Variants in RANBP17 observed in about 807,000 individuals in gnomAD.
The protein encoded by RANBP17 is ran-binding protein 17.
RANBP17 carries 158 observed loss-of-function variants against 141.2 expected under a neutral mutation model. The ratio of observed to expected loss-of-function variants is 1.12; its 90% CI spans 0.98 to 1.28. The LOEUF is 1.28. Among genes scored for constraint, RANBP17 ranks in the 50% most tolerant of loss-of-function variants. RANBP17 has a pLI of 0.00. For synonymous variants in RANBP17, 430 were observed against 450.0 expected (o/e 0.96, Z 0.56); for missense variants, 1,438 against 1,290.7 (o/e 1.11, Z -1.75).
intron 14 of RANBP17, among the ~76,000 whole-genome samples, chr5:171,137,952 T>TAC (rs757199267): frequency 7.8e-6 from 1 of 127,734 alleles, no homozygotes; most frequent in Admixed American, 7.6e-5. Context: ...ATATATGAGA[T>TAC]ATATATATAT....
rs576933501 is a variant in RANBP17, at chr5:170,897,234, A to T, written c.489+1119A>T. ...AAAGTTTTTGGCAGTCTGTATCAAGACCAGGTTTTAGAGAAACTCAGAAAG... is the reference window on the plus strand; with the variant it reads ...AAAGTTTTTGGCAGTCTGTATCAAGTCCAGGTTTTAGAGAAACTCAGAAAG... On this transcript the variant is annotated intron_variant, in intron 5 of 27. Transcript: ENST00000523189. 1.1e-5 allele frequency: 7 copies of T among 655,850 alleles called. No individual in the cohort carries two copies. In the Admixed American group the frequency reaches 1.1e-4, roughly 10 times the overall value. 40.6% of individuals were successfully genotyped at this position (655,850 alleles called of 1,614,324 possible).
chr5:170,975,167 T>A (rs1195214804), intron 14 of RANBP17, among the ~76,000 whole-genome samples: 5 of 152,234 alleles, frequency 3.3e-5, no homozygotes, highest in African/African-American at 1.2e-4. Flanking sequence ...TGTCTTTAAA[T>A]CATTTTTCTT....
chr5:171,209,500 A>T (rs1358348875), intron 20 of RANBP17, among the ~76,000 whole-genome samples: 2 of 151,946 alleles, frequency 1.3e-5, no homozygotes, highest in Admixed American at 6.6e-5. Flanking sequence ...ATTTTTTTTT[A>T]GTTTTATTTC....
rs1769017215 is a variant in RANBP17 at position 171,299,593 on chromosome 5, AC to A, written c.*738del. The stretch of plus-strand genomic sequence containing the variant: ...GTCAGAAGTTCTGGGTGGTGCCAGC[AC>A]CCAGTCCTCTGCCTCCATTTAATTT... On this transcript the variant is annotated 3_prime_UTR_variant, in exon 28 of 28. Transcript: ENST00000523189. 4.3e-6 allele frequency: 1 copy of A among 232,086 alleles called. No individual in the cohort carries two copies. Among genetic ancestry groups the A allele is most frequent in the Admixed American group, 5.6e-5 (1 of 17,750 alleles). 14.4% of individuals were successfully genotyped at this position (232,086 alleles called of 1,614,324 possible). A position where few individuals can be genotyped will look rare whatever the true frequency, so the allele number is the denominator to read the frequency against.
chr5:171,164,868 A>T (rs556370469), intron 14 of RANBP17, among the ~76,000 whole-genome samples: 7 of 152,364 alleles, frequency 4.6e-5, no homozygotes, highest in Admixed American at 4.6e-4. Flanking sequence ...GAGTGTTACT[A>T]GAAGGTGTTA....
At chr5:170,930,126 T>C (rs1773231873) in intron 12 of RANBP17, among the ~76,000 whole-genome samples, 1 of 152,044 alleles carries the variant, frequency 6.6e-6, no homozygotes, top group Admixed American at 6.6e-5. Flanking sequence ...TTCATTGATC[T>C]TTATTCTTTC....
chr5:171,035,946 T>G lies in RANBP17; in HGVS notation c.1710+67569T>G, dbSNP rs558121756. On this transcript the variant is annotated intron_variant, in intron 14 of 27. Coordinates refer to ENST00000523189, the MANE Select transcript of RANBP17 (RefSeq NM_022897.5). ...TCTTGCCCTCTTGCCAAGGCTGAAGTGCAGTGTTGTGATCTCAGCTTACTA... is the reference window on the plus strand; with the variant it reads ...TCTTGCCCTCTTGCCAAGGCTGAAGGGCAGTGTTGTGATCTCAGCTTACTA... 9.9e-5 allele frequency among the ~76,000 whole-genome samples: 15 copies of G among 152,120 alleles called. No homozygotes were observed. In the South Asian group the frequency reaches 2.9e-3, roughly 30 times the overall value.
At chr5:170,883,669 A>T (rs1215356501) in intron 3 of RANBP17, among the ~76,000 whole-genome samples, 1 of 152,052 alleles carries the variant, frequency 6.6e-6, no homozygotes, top group Non-Finnish European at 1.5e-5. Flanking sequence ...AGAATATGAT[A>T]TAGTTGGAAT....
chr5:171,071,676 A>AAAAAC (rs1784642839), intron 14 of RANBP17, among the ~76,000 whole-genome samples: 1 of 147,032 alleles, frequency 6.8e-6, no homozygotes, highest in Non-Finnish European at 1.5e-5. Flanking sequence ...AAAAAAAAAG[A>AAAAAC]CCCTCAATAC....
intron 14 of RANBP17, among the ~76,000 whole-genome samples, chr5:170,974,485 G>A (rs1218582638): frequency 4.6e-5 from 7 of 152,168 alleles, no homozygotes; most frequent in Admixed American, 1.3e-4. Context: ...ATATACTGGA[G>A]TTGGGTGCTT....
At chr5:171,152,355 G>A (rs1411864918) in intron 14 of RANBP17, among the ~76,000 whole-genome samples, 2 of 151,198 alleles carry the variant, frequency 1.3e-5, no homozygotes, top group East Asian at 3.9e-4. Flanking sequence ...GGAGGCGGAG[G>A]TTGCAGTGAG....
At chr5:170,925,557 G>T (rs1253019730) in intron 12 of RANBP17, among the ~76,000 whole-genome samples, 1 of 152,074 alleles carries the variant, frequency 6.6e-6, no homozygotes, top group Non-Finnish European at 1.5e-5. Context: ...ATACAGAATA[G>T]CAGTAACCAC....
intron 14 of RANBP17, among the ~76,000 whole-genome samples, chr5:170,977,255 A>G (rs1777447459): frequency 1.3e-5 from 2 of 152,050 alleles, no homozygotes; most frequent in African/African-American, 4.8e-5. Flanking sequence ...CTTCAGCATC[A>G]TTATTTATGG....
At chr5:171,244,311 G>T (rs1033111372) in intron 24 of RANBP17, among the ~76,000 whole-genome samples, 6 of 151,912 alleles carry the variant, frequency 3.9e-5, no homozygotes, top group African/African-American at 1.2e-4. Flanking sequence ...GAGAATCACT[G>T]AGGATGCAAT....
intron 1 of RANBP17, among the ~76,000 whole-genome samples, chr5:170,872,621 A>G (rs573863629): frequency 6.6e-6 from 1 of 152,338 alleles, no homozygotes; most frequent in East Asian, 1.9e-4. Flanking sequence ...GCTTTTGCCT[A>G]TTCAGTATGA....
At chr5:170,886,567 T>C (rs1769172879) in intron 3 of RANBP17, among the ~76,000 whole-genome samples, 1 of 152,094 alleles carries the variant, frequency 6.6e-6, no homozygotes, top group Non-Finnish European at 1.5e-5. Context: ...TTTATGATAG[T>C]AAATGATAAA....
chr5:171,022,546 T>C (rs537009371), intron 14 of RANBP17, among the ~76,000 whole-genome samples: 1 of 152,128 alleles, frequency 6.6e-6, no homozygotes, highest in East Asian at 1.9e-4. Context: ...TGGGTCAGAG[T>C]CAAGCCTGAA....
At position 171,022,672 on chromosome 5, in the gene RANBP17, T is replaced by C. The variant is rs1780951882; in HGVS notation, c.1710+54295T>C. On this transcript the variant is annotated intron_variant, in intron 14 of 27. Transcript: ENST00000523189. The stretch of plus-strand genomic sequence containing the variant: ...GGAGGGGAAAAGTGCAGCCTGGAGC[T>C]ATACAGAGGGATGCTGCCTTCTCCT... Among the ~76,000 whole-genome samples the C allele has an allele frequency of 2.0e-5, 3 of 152,308 alleles. No homozygotes were observed. In the East Asian group the frequency reaches 5.8e-4, roughly 29 times the overall value.
intron 25 of RANBP17, among the ~76,000 whole-genome samples, chr5:171,288,852 T>C (rs1235520048): frequency 3.9e-5 from 6 of 152,150 alleles, no homozygotes; most frequent in African/African-American, 1.4e-4. Context: ...TGCAAGCCCC[T>C]ACAAAGGCAC....
Sources: allele counts gnomAD v4.1 joint callset (sites outside exome capture counted in the v4.1 genomes callset), GRCh38; gene constraint gnomAD v4.1.1; transcripts MANE v1.5; gene names NCBI Gene and HGNC (gene_info 2026-07-23, HGNC 2026-07-21).